Variants in ZSCAN18 observed in about 807,000 individuals in gnomAD.
The protein encoded by ZSCAN18 is zinc finger and SCAN domain containing 18, also known as zinc finger and SCAN domain-containing protein 18.
Under a neutral mutation model 31.1 loss-of-function variants are expected in ZSCAN18, and 16 were observed. The observed-to-expected ratio is 0.51, with a 90% CI of 0.35 to 0.78. The LOEUF is 0.78. ZSCAN18 is among the 30% of genes least tolerant of loss of function. ZSCAN18 has a pLI of 0.01. For synonymous variants in ZSCAN18, 375 were observed against 320.7 expected (o/e 1.17, Z -1.81); for missense variants, 731 against 697.4 (o/e 1.05, Z -0.54).
Position 58,087,332 on chromosome 19 carries a change from G to C in ZSCAN18, c.626C>G (p.Pro209Arg). The C allele has an allele frequency of 1.9e-6, 3 of 1,606,684 alleles. No individual in the cohort carries two copies. In the South Asian group the frequency reaches 3.4e-5, roughly 18 times the overall value. Residue 209 changes from proline (P) to arginine (R), a missense_variant, in exon 4 of 7, where the codon CCT becomes CGT. Transcript: ENST00000601144. ...CCCACCCACCTGCTCGGTGTTGGCA[G>C]GGCCGTCCTCTTCGGTCTTTGCTTC... ...VREAKTEEDG[P>R]ANTEQKLKSF...
chr19:58,110,303 C>T (rs1444291630), intron 1 of ZSCAN18, among the ~76,000 whole-genome samples: 1 of 152,152 alleles, frequency 6.6e-6, no homozygotes, highest in East Asian at 1.9e-4. Flanking sequence ...TCATCTTCCA[C>T]TCTCCTCTCC....
chr19:58,102,545 A>G (rs982212102), upstream of ZSCAN18, among the ~76,000 whole-genome samples: 1 of 152,206 alleles, frequency 6.6e-6, no homozygotes, highest in African/African-American at 2.4e-5. Flanking sequence ...AACTTTAAAA[A>G]TCTTGCAATA....
chr19:58,103,589 T>C (rs1233820283), intron 1 of ZSCAN18, among the ~76,000 whole-genome samples: 1 of 152,230 alleles, frequency 6.6e-6, no homozygotes, highest in Non-Finnish European at 1.5e-5. Context: ...TTGTGTGTCC[T>C]GATTCCTCCA....
chr19:58,112,286 C>T (rs1434356479), intron 1 of ZSCAN18, among the ~76,000 whole-genome samples: 4 of 152,130 alleles, frequency 2.6e-5, no homozygotes, highest in African/African-American at 4.8e-5. Flanking sequence ...ACGCCCATTT[C>T]GGCCTCCCAA....
At chr19:58,108,035 TG>T in intron 1 of ZSCAN18, 4 of 1,014,958 alleles carry the variant, frequency 3.9e-6, no homozygotes, top group Non-Finnish European at 4.8e-6. Flanking sequence ...TGAATCCTCT[TG>T]TGCCTGATGA....
At chr19:58,094,918 G>T (rs904006108) in intron 1 of ZSCAN18, among the ~76,000 whole-genome samples, 4 of 150,088 alleles carry the variant, frequency 2.7e-5, no homozygotes, top group Non-Finnish European at 5.9e-5. Context: ...TTAGCCAGGC[G>T]TGGTGGCACA....
intron 1 of ZSCAN18, among the ~76,000 whole-genome samples, chr19:58,111,186 T>C (rs1210630175): frequency 6.6e-6 from 1 of 150,490 alleles, no homozygotes; most frequent in Non-Finnish European, 1.5e-5. Context: ...AAAATTCCCA[T>C]TTTCTGGAGG....
rs886424628 is a variant in ZSCAN18, at chr19:58,084,669, G to C, written c.*16C>G. The C allele has an allele frequency of 7.5e-6, 11 of 1,465,764 alleles. No homozygotes were observed. The East Asian group carries it at 1.7e-4, about 23-fold the overall frequency. 90.8% of individuals were successfully genotyped at this position (1,465,764 alleles called of 1,614,324 possible). ...GCCGGCAAAGCGGCCCCTCCGGAAC[G>C]GGACAGCACAGCGGCTCACCTCTGC... On this transcript the variant is annotated 3_prime_UTR_variant, in exon 7 of 7. Coordinates refer to ENST00000601144, the MANE Select transcript of ZSCAN18 (RefSeq NM_001145543.2). The surrounding 1 kb of genome is among the most constrained non-coding windows in gnomAD (Gnocchi z 4.5).
At chr19:58,098,513 A>C, upstream of ZSCAN18, 3 of 511,120 alleles carry the variant, frequency 5.9e-6, no homozygotes, top group Non-Finnish European at 7.6e-6. Context: ...AACAAAGACA[A>C]AAAGACGCGC....
chr19:58,112,615 C>T (rs555061927), intron 1 of ZSCAN18, among the ~76,000 whole-genome samples: 11 of 150,224 alleles, frequency 7.3e-5, no homozygotes, highest in African/African-American at 2.7e-4. Flanking sequence ...CACACCACTG[C>T]ACTCCAGCCT....
In ZSCAN18 at chr19:58,109,627, G is replaced by A. The variant is rs1007702609; in HGVS notation, c.130+8640C>T. ...ATAAACTAAGAGTACACAAAAATAT[G>A]GGTACATTTCTCAGGCATATTATTT... is the stretch of plus-strand genomic sequence containing the variant. On this transcript the variant is annotated intron_variant, in intron 1 of 1. Transcript: ENST00000595721. Among the ~76,000 whole-genome samples, 5 of 152,074 alleles carry A rather than the reference G, an allele frequency of 3.3e-5. No individual in the cohort carries two copies. The South Asian group carries it at 6.2e-4, about 19-fold the overall frequency.
At position 58,083,884 on chromosome 19, in the gene ZSCAN18, T is replaced by C. The variant is rs2074207779; in HGVS notation, c.*801A>G. 1.3e-5 allele frequency: 2 copies of C among 152,326 alleles called. No individual in the cohort carries two copies. 9.4% of individuals were successfully genotyped at this position (152,326 alleles called of 1,614,324 possible). Reference sequence around the variant, plus strand: ...AGTCTCCTTTGCTCAGACAGACAGATCTTTATTAGTGTTTTCAACTTATTT... The same window carrying C: ...AGTCTCCTTTGCTCAGACAGACAGACCTTTATTAGTGTTTTCAACTTATTT... On this transcript the variant is annotated 3_prime_UTR_variant, in exon 7 of 7. Transcript: ENST00000601144.
At chr19:58,085,447 G>A in intron 6 of ZSCAN18, 68 bp from the exon 7 acceptor site, 1 of 1,378,706 alleles carries the variant, frequency 7.3e-7, no homozygotes, top group Non-Finnish European at 9.6e-7. Flanking sequence ...ACCCAGCCGA[G>A]CCTCAGCTGC....
chr19:58,109,071 G>A (rs1465818505), intron 1 of ZSCAN18: 1 of 1,226,138 alleles, frequency 8.2e-7, no homozygotes, highest in African/African-American at 1.6e-5. Context: ...TGGTCATGGT[G>A]ACCACAGCCC....
At chr19:58,085,734 C>A (rs2074265409) in intron 6 of ZSCAN18, 1 of 368,278 alleles carries the variant, frequency 2.7e-6, no homozygotes, top group African/African-American at 2.1e-5. Context: ...TCAGAGCGCA[C>A]CCTCCTGGAG....
chr19:58,118,391 C>A, exon 1 of ZSCAN18: 1 of 1,524,376 alleles, frequency 6.6e-7, no homozygotes, highest in Admixed American at 2.1e-5. Flanking sequence ...CTCCGACTCT[C>A]CGCATGGGCG....
intron 1 of ZSCAN18, among the ~76,000 whole-genome samples, chr19:58,118,059 A>G (rs1291457598): frequency 6.6e-6 from 1 of 152,022 alleles, no homozygotes; most frequent in Non-Finnish European, 1.5e-5. Flanking sequence ...AGATGCGCGT[A>G]CCAGCCCCGC....
chr19:58,116,628 G>A (rs1401310208), intron 1 of ZSCAN18, among the ~76,000 whole-genome samples: 3 of 152,156 alleles, frequency 2.0e-5, no homozygotes, highest in Non-Finnish European at 2.9e-5. Flanking sequence ...GCCGAAGGAA[G>A]AAGCTAGGGC....
At chr19:58,115,918 C>T (rs554681008) in intron 1 of ZSCAN18, among the ~76,000 whole-genome samples, 1 of 151,852 alleles carries the variant, frequency 6.6e-6, no homozygotes, top group Admixed American at 6.6e-5. Context: ...CTCCCTAAAG[C>T]ACTGGTGGAA....
Sources: gnomAD v4.1 joint callset for allele counts (sites outside exome capture counted in the v4.1 genomes callset) on GRCh38, gnomAD v4.1.1 for gene constraint, Gnocchi (gnomAD v3.1) non-coding constraint, MANE v1.5 for transcripts, NCBI Gene and HGNC (gene_info 2026-07-23, HGNC 2026-07-21) for gene names.